Variants in FAM227B observed in about 807,000 individuals in gnomAD.
FAM227B encodes the protein family with sequence similarity 227 member B, also known as protein FAM227B.
Under a neutral mutation model 73.8 loss-of-function variants are expected in FAM227B, and 88 were observed. The ratio of observed to expected loss-of-function variants is 1.19; its 90% confidence interval spans 1.00 to 1.42. The LOEUF (loss-of-function observed/expected upper bound fraction) is 1.42. Ranked by LOEUF, FAM227B falls within the 40% of genes most tolerant of loss-of-function variation. FAM227B has a pLI of 0.00. For synonymous variants in FAM227B, 210 were observed against 190.5 expected, an observed-to-expected ratio of 1.10 and a Z score of -0.84; for missense variants, 632 against 590.9, an observed-to-expected ratio of 1.07 and a Z score of -0.72.
intron 9 of FAM227B, among the ~76,000 whole-genome samples, chr15:49,561,828 T>G (rs532193260): frequency 2.6e-5 from 4 of 152,166 alleles, no homozygotes; most frequent in African/African-American, 9.6e-5. Context: ...ATACCCAAAT[T>G]TCTGGTATGC....
chr15:49,436,759 C>T (rs2051143674), intron 11 of FAM227B, among the ~76,000 whole-genome samples: 1 of 151,494 alleles, frequency 6.6e-6, no homozygotes, highest in South Asian at 2.1e-4. Context: ...AACTCCAAAG[C>T]ACAGCTTTAG....
At chr15:49,497,465 T>C (rs1404074362) in intron 11 of FAM227B, among the ~76,000 whole-genome samples, 2 of 152,204 alleles carry the variant, frequency 1.3e-5, no homozygotes, top group Admixed American at 1.3e-4. Flanking sequence ...TTTCAGTTTC[T>C]CACCGTCAAT....
chr15:49,589,553 ACACACACAC>A (rs1193082273), intron 4 of FAM227B, among the ~76,000 whole-genome samples: 2 of 121,692 alleles, frequency 1.6e-5, no homozygotes, highest in Non-Finnish European at 3.8e-5. Context: ...ACACACACAC[ACACACACAC>A]ACACACACAC....
intron 13 of FAM227B, among the ~76,000 whole-genome samples, chr15:49,359,009 T>C (rs1399998037): frequency 2.6e-5 from 4 of 151,860 alleles, no homozygotes; most frequent in Non-Finnish European, 5.9e-5. Context: ...ATTTAATAAA[T>C]GGTGCTGGGA....
intron 11 of FAM227B, among the ~76,000 whole-genome samples, chr15:49,393,958 A>AC (rs1318335296): frequency 2.0e-5 from 3 of 152,306 alleles, no homozygotes; most frequent in African/African-American, 7.2e-5. Flanking sequence ...AGACTGGTAT[A>AC]CAGGAGTGTT....
chr15:49,391,907 G>A (rs2047234287), intron 11 of FAM227B, among the ~76,000 whole-genome samples: 1 of 152,100 alleles, frequency 6.6e-6, no homozygotes. Flanking sequence ...CTCCTTGCTT[G>A]GCACCCTGCA....
intron 9 of FAM227B, among the ~76,000 whole-genome samples, chr15:49,542,539 C>T (rs986689435): frequency 6.6e-6 from 1 of 151,618 alleles, no homozygotes; most frequent in African/African-American, 2.4e-5. Context: ...TATATGTATG[C>T]CTCTGCATCC....
intron 11 of FAM227B, among the ~76,000 whole-genome samples, chr15:49,465,869 T>C (rs533021695): frequency 6.6e-6 from 1 of 152,314 alleles, no homozygotes; most frequent in East Asian, 1.9e-4. Context: ...ATATGCCAAC[T>C]TATAATTTGA....
intron 11 of FAM227B, chr15:49,487,129 A>C (rs529795976): frequency 1.1e-3 from 169 of 152,034 alleles, no homozygotes; most frequent in African/African-American, 3.7e-3. Flanking sequence ...AATGCACTTC[A>C]TACACAATGA....
intron 11 of FAM227B, among the ~76,000 whole-genome samples, chr15:49,417,474 A>G (rs1042992476): frequency 2.0e-5 from 3 of 152,134 alleles, no homozygotes; most frequent in Non-Finnish European, 4.4e-5. Context: ...ACAGAAAGAG[A>G]CACATAGACC....
At chr15:49,401,486 C>T (rs1157463780) in intron 11 of FAM227B, among the ~76,000 whole-genome samples, 2 of 151,870 alleles carry the variant, frequency 1.3e-5, no homozygotes, top group African/African-American at 2.4e-5. Context: ...TTTGACCCAG[C>T]CATCCCATTA....
At chr15:49,368,638 G>A (rs758703919) in intron 12 of FAM227B, among the ~76,000 whole-genome samples, 11 of 152,088 alleles carry the variant, frequency 7.2e-5, no homozygotes, top group Non-Finnish European at 1.3e-4. Flanking sequence ...ATTGGGTTAC[G>A]TATAGCTCAA....
intron 8 of FAM227B, among the ~76,000 whole-genome samples, 154 bp from the exon 9 acceptor site, chr15:49,568,500 A>G (rs1020624100): frequency 1.1e-4 from 17 of 151,988 alleles, no homozygotes; most frequent in African/African-American, 3.9e-4. Context: ...AAATTTTAAC[A>G]CTGGCTGTTA....
chr15:49,328,058 A>G lies in FAM227B; in HGVS notation c.*510T>C. 6.2e-7 allele frequency: 1 copy of G among 1,614,096 alleles called. No homozygotes were observed. The highest frequency in any genetic ancestry group is 8.5e-7 in the Non-Finnish European group (1 of 1,179,972). ...GCCCAGCTTTCTAGCAAATGTGCAC[A>G]AAGCTTATTACCAGAGGAGTGATGG... On this transcript the variant is annotated 3_prime_UTR_variant, in exon 16 of 16. Coordinates refer to ENST00000299338, the MANE Select transcript of FAM227B (RefSeq NM_152647.3).
At chr15:49,396,959 C>T (rs191250856) in intron 11 of FAM227B, among the ~76,000 whole-genome samples, 145 of 152,318 alleles carry the variant, frequency 9.5e-4, no homozygotes, top group African/African-American at 3.1e-3. Flanking sequence ...TTCAAAGGAA[C>T]GCAGTTCCCC....
chr15:49,404,185 T>C (rs532611646), intron 11 of FAM227B, among the ~76,000 whole-genome samples: 1 of 152,200 alleles, frequency 6.6e-6, no homozygotes, highest in African/African-American at 2.4e-5. Flanking sequence ...TTCAATTATA[T>C]GATCAATTTT....
intron 13 of FAM227B, among the ~76,000 whole-genome samples, chr15:49,341,716 G>A (rs1429602969): frequency 6.6e-6 from 1 of 152,122 alleles, no homozygotes; most frequent in African/African-American, 2.4e-5. Flanking sequence ...CATGGTTTTT[G>A]CTGCATCCCA....
chr15:49,392,746 T>C lies in FAM227B; in HGVS notation c.1013-21347A>G, dbSNP rs189863604. On this transcript the variant is annotated intron_variant, in intron 11 of 15. Transcript: ENST00000299338. ...TAATTATAAGTTCATTTAAATATTA[T>C]AGTTGCTTAATGAATGACATGAGTG... Among the ~76,000 whole-genome samples, 91 of 152,312 alleles carry C rather than the reference T, an allele frequency of 6.0e-4. 3 individuals are homozygous for C. In the East Asian group the frequency reaches 0.013, roughly 21 times the overall value.
chr15:49,366,600 T>C (rs1180222888), intron 13 of FAM227B: 21 of 1,600,420 alleles, frequency 1.3e-5, no homozygotes, highest in Non-Finnish European at 1.5e-5. Context: ...GCATGCAAGA[T>C]TGCTTCCTGA....
Sources: allele counts gnomAD v4.1 joint callset (sites outside exome capture counted in the v4.1 genomes callset), GRCh38; gene constraint gnomAD v4.1.1; transcripts MANE v1.5; gene names NCBI Gene and HGNC (gene_info 2026-07-23, HGNC 2026-07-21).